ATAD1: variants seen among roughly 807,000 people sequenced by gnomAD.
The protein encoded by ATAD1 is outer mitochondrial transmembrane helix translocase.
In ATAD1, 18 loss-of-function variants were observed where a neutral mutation model predicts 42.7. That is an observed-to-expected ratio of 0.42 (90% confidence interval 0.29 to 0.63). The LOEUF (loss-of-function observed/expected upper bound fraction) is 0.63, where lower values mean the gene tolerates loss of function less well. Ranked by LOEUF, ATAD1 falls within the 20% of genes least tolerant of loss-of-function variation. ATAD1 has a pLI of 0.19. For missense variants in ATAD1, 294 were observed against 440.4 expected (o/e 0.67, Z 2.98); for synonymous variants, 132 against 143.1 (o/e 0.92, Z 0.55).
chr10:87,800,472 C>T (rs1334859990), intron 2 of ATAD1, among the ~76,000 whole-genome samples: 1 of 152,002 alleles, frequency 6.6e-6, no homozygotes, highest in Non-Finnish European at 1.5e-5. Context: ...GAAATGTTTT[C>T]TTCCAACATA....
At chr10:87,818,140 G>A in intron 1 of ATAD1, 27 bp downstream of exon 1, 1 of 985,624 alleles carries the variant, frequency 1.0e-6, no homozygotes, top group Non-Finnish European at 1.2e-6. Flanking sequence ...ACCATCCCAT[G>A]AGGCCCCACG....
chr10:87,771,484 T>C (rs1855027336), intron 6 of ATAD1, among the ~76,000 whole-genome samples: 1 of 152,112 alleles, frequency 6.6e-6, no homozygotes, highest in South Asian at 2.1e-4. Flanking sequence ...ATGGAGAGAA[T>C]CATTTCCCCT....
chr10:87,833,727 C>CTTTTTTTTTTTTT (rs3033524), intron 1 of ATAD1, among the ~76,000 whole-genome samples: 4 of 100,764 alleles, frequency 4.0e-5, no homozygotes, highest in African/African-American at 7.7e-5. Context: ...TCTTTCTTTC[C>CTTTTTTTTTTTTT]TTTTTTTTTT....
chr10:87,798,294 C>T (rs564782552), intron 2 of ATAD1, among the ~76,000 whole-genome samples: 43 of 152,218 alleles, frequency 2.8e-4, no homozygotes, highest in African/African-American at 8.4e-4. Flanking sequence ...AAGTGGGAAA[C>T]GTTCTAAGAA....
intron 4 of ATAD1, among the ~76,000 whole-genome samples, chr10:87,788,178 T>G (rs1013898822): frequency 3.3e-5 from 5 of 152,250 alleles, no homozygotes; most frequent in African/African-American, 1.2e-4. Context: ...TATGACCTCA[T>G]GCACTGCATG....
chr10:87,806,527 CAT>C (rs1350128495), intron 2 of ATAD1, among the ~76,000 whole-genome samples: 24 of 152,116 alleles, frequency 1.6e-4, no homozygotes, highest in Admixed American at 1.0e-3. Flanking sequence ...TTAACTTAAC[CAT>C]ATGTTTGATT....
intron 1 of ATAD1, among the ~76,000 whole-genome samples, chr10:87,826,269 C>T (rs1857728014): frequency 6.6e-6 from 1 of 152,192 alleles, no homozygotes; most frequent in African/African-American, 2.4e-5. Flanking sequence ...TCTCATTCAA[C>T]TTCAAAATAG....
rs1240912762 is a variant in ATAD1 at position 87,771,047 on chromosome 10, T to G, written c.691-6A>C. ...GTAGCTCCCATTACTATGACCTAAG[T>G]GTATAAAGAAGACAGAAGGTATTAA... On this transcript the variant is annotated splice_region_variant and splice_polypyrimidine_tract_variant and intron_variant, in intron 6 of 9. Transcript: ENST00000680024. 6.2e-7 allele frequency: 1 copy of G among 1,607,410 alleles called. No homozygotes were observed. Among genetic ancestry groups the G allele is most frequent in the Non-Finnish European group, 8.5e-7 (1 of 1,174,678 alleles).
chr10:87,818,251 G>A (rs1275070207), upstream of ATAD1: 1 of 985,492 alleles, frequency 1.0e-6, no homozygotes, highest in Non-Finnish European at 1.2e-6. Context: ...CGCTTCCGGC[G>A]GGAGGCGCGG....
At chr10:87,790,117 C>T (rs1461170087) in intron 4 of ATAD1, among the ~76,000 whole-genome samples, 193 bp downstream of exon 4, 1 of 152,162 alleles carries the variant, frequency 6.6e-6, no homozygotes, top group Non-Finnish European at 1.5e-5. Context: ...AGTATTTTAA[C>T]ATGTAAATAC....
chr10:87,800,609 TA>T lies in ATAD1; in HGVS notation c.163-7855del, dbSNP rs909315194. ...TTTGCTTGGGGAAAAAAGCTGAAATTAAAAAAAAAAATTTTTAATTAAGGTT... is the reference window on the plus strand; with the variant it reads ...TTTGCTTGGGGAAAAAAGCTGAAATTAAAAAAAAAATTTTTAATTAAGGTT... On this transcript the variant is annotated intron_variant, in intron 2 of 9. Transcript: ENST00000680024. Among the ~76,000 whole-genome samples the T allele has an allele frequency of 1.6e-3, 241 of 150,006 alleles. 1 individual carries two copies. Among genetic ancestry groups the T allele is most frequent in the East Asian group, 0.015 (75 of 5,162 alleles).
At chr10:87,814,790 C>A in intron 1 of ATAD1, 178 bp from the exon 2 acceptor site, 2 of 409,076 alleles carry the variant, frequency 4.9e-6, no homozygotes, top group Non-Finnish European at 8.2e-6. Context: ...GTTAAGTAAA[C>A]AAATACATTT....
chr10:87,787,923 G>A (rs1282819277), intron 4 of ATAD1, among the ~76,000 whole-genome samples: 2 of 152,030 alleles, frequency 1.3e-5, no homozygotes, highest in Non-Finnish European at 2.9e-5. Flanking sequence ...ATTCACAAAT[G>A]TAATAAAATT....
intron 5 of ATAD1, among the ~76,000 whole-genome samples, 178 bp from the exon 6 acceptor site, chr10:87,776,605 A>T (rs1047977415): frequency 6.6e-6 from 1 of 152,024 alleles, no homozygotes; most frequent in African/African-American, 2.4e-5. Flanking sequence ...AGTAGCTAGG[A>T]CCACAGGTAT....
intron 1 of ATAD1, among the ~76,000 whole-genome samples, chr10:87,833,718 C>CTTTT (rs1857877516): frequency 8.2e-6 from 1 of 121,496 alleles, no homozygotes. Flanking sequence ...CTCTCTCTTT[C>CTTTT]TTTCTTTCCT....
chr10:87,806,214 T>C (rs183925887), intron 2 of ATAD1, among the ~76,000 whole-genome samples: 4 of 152,238 alleles, frequency 2.6e-5, no homozygotes, highest in Admixed American at 2.0e-4. Flanking sequence ...GATGTATTCA[T>C]GTAGAAAAGA....
chr10:87,791,884 A>C (rs1856137843), intron 3 of ATAD1, among the ~76,000 whole-genome samples: 2 of 152,212 alleles, frequency 1.3e-5, no homozygotes, highest in African/African-American at 4.8e-5. Flanking sequence ...TGAGACTCAA[A>C]GAGGAAATCA....
In ATAD1 at chr10:87,834,959, T is replaced by C. The variant is rs537800009; in HGVS notation, c.-14+6228A>G. On this transcript the variant is annotated intron_variant, in intron 1 of 4. Transcript: ENST00000495903. Reference sequence around the variant, plus strand: ...GAATCCTATTCCACAAATTTTCATATGTTGTGTTTTCATTTTCATTCAGTT... The same window carrying C: ...GAATCCTATTCCACAAATTTTCATACGTTGTGTTTTCATTTTCATTCAGTT... Among the ~76,000 whole-genome samples the C allele has an allele frequency of 9.8e-4, 149 of 152,182 alleles. 1 individual carries two copies. The highest frequency in any genetic ancestry group is 1.7e-3 in the Admixed American group (26 of 15,284).
chr10:87,799,974 T>C (rs1209158598), intron 2 of ATAD1, among the ~76,000 whole-genome samples: 1 of 151,718 alleles, frequency 6.6e-6, no homozygotes, highest in Non-Finnish European at 1.5e-5. Context: ...AAGACTCTTA[T>C]ATGGTAAATT....
Sources: allele counts gnomAD v4.1 joint callset (sites outside exome capture counted in the v4.1 genomes callset), GRCh38; gene constraint gnomAD v4.1.1; transcripts MANE v1.5; gene names NCBI Gene and HGNC (gene_info 2026-07-23, HGNC 2026-07-21).